The following P4HA2 variants were observed in gnomAD, a reference collection of about 807,000 sequenced individuals.
P4HA2 encodes prolyl 4-hydroxylase subunit alpha-2.
P4HA2 carries 46 observed loss-of-function variants against 76.9 expected under a neutral mutation model. The observed-to-expected ratio is 0.60, with a 90% CI of 0.47 to 0.76. P4HA2 has a LOEUF of 0.76. Among genes scored for constraint, P4HA2 ranks in the 30% least tolerant of loss-of-function variants. The probability of loss-of-function intolerance (pLI) is 0.00; values close to 1 mark genes in which losing one functional copy is unlikely to be tolerated. For missense variants in P4HA2, 583 were observed against 669.4 expected (o/e 0.87, Z 1.42); for synonymous variants, 243 against 254.0 (o/e 0.96, Z 0.41).
Position 132,216,162 on chromosome 5 carries a change from C to CAAAAAAAAAAA in P4HA2, c.331+1024_331+1034dup, listed in dbSNP as rs5871448. Among the ~76,000 whole-genome samples the CAAAAAAAAAAA allele has an allele frequency of 7.9e-5, 5 of 63,138 alleles. 1 individual carries two copies. The highest frequency in any genetic ancestry group is 1.4e-4 in the African/African-American group (2 of 14,632). 41.4% of individuals were successfully genotyped at this position (63,138 alleles called of 152,430 possible). On this transcript the variant is annotated intron_variant, in intron 4 of 14. Coordinates refer to ENST00000360568, the MANE Select transcript of P4HA2 (RefSeq NM_001017974.2). ...CTGGTGACAGAGTGAGACTCAGTCT[C>CAAAAAAAAAAA]AAAAAAAAAAAAAAAAAAAAAAAAA...
intron 1 of P4HA2, chr5:132,222,016 C>G (rs933108940): frequency 6.6e-6 from 1 of 152,254 alleles, no homozygotes; most frequent in African/African-American, 2.4e-5. Context: ...CAGCTGCAAA[C>G]CAGCAGCGTC....
intron 1 of P4HA2, among the ~76,000 whole-genome samples, chr5:132,225,912 C>T (rs968488549): frequency 2.0e-5 from 3 of 152,186 alleles, no homozygotes; most frequent in Non-Finnish European, 2.9e-5. Flanking sequence ...TGGGATGAGG[C>T]CCCCAGCCAA....
At chr5:132,212,170 A>G (rs530495128) in intron 5 of P4HA2, among the ~76,000 whole-genome samples, 4 of 152,272 alleles carry the variant, frequency 2.6e-5, no homozygotes, top group African/African-American at 9.6e-5. Context: ...AGCTGAGTAC[A>G]ATGGGCAAGG....
In P4HA2 at chr5:132,192,679, A is replaced by G. The variant is rs1750023313; in HGVS notation, c.*331T>C. ...AATAGATAGAAATGCCATAAAAACA[A>G]ACATGTAAACAAGGTATCAGAACTT... On this transcript the variant is annotated 3_prime_UTR_variant, in exon 15 of 15. Coordinates refer to ENST00000360568, the MANE Select transcript of P4HA2 (RefSeq NM_001017974.2). The G allele has an allele frequency of 4.2e-6, 1 of 237,038 alleles. No homozygotes were observed. Among genetic ancestry groups the G allele is most frequent in the Non-Finnish European group, 8.2e-6 (1 of 122,604 alleles). 14.7% of individuals were successfully genotyped at this position (237,038 alleles called of 1,614,324 possible).
rs528695494 is a variant in P4HA2, at chr5:132,213,854, C to A, written c.469+62G>T. The A allele has an allele frequency of 1.3e-4, 204 of 1,560,052 alleles. No homozygotes were observed. The African/African-American group carries it at 2.5e-3, about 19-fold the overall frequency. ...AAAGGCCACAAGTTGGTGGTGGCTC[C>A]AACCTGTCCCGCCACTAAAGAGACA... On this transcript the variant is annotated intron_variant, in intron 5 of 14. Transcript: ENST00000360568.
chr5:132,207,108 T>C (rs1005241943), intron 8 of P4HA2, among the ~76,000 whole-genome samples: 2 of 152,198 alleles, frequency 1.3e-5, no homozygotes, highest in Admixed American at 1.3e-4. Context: ...AAATCAATAG[T>C]TTGGCATATA....
chr5:132,202,139 G>A (rs1297957376), intron 10 of P4HA2: 1 of 152,138 alleles, frequency 6.6e-6, no homozygotes, highest in African/African-American at 2.4e-5. Flanking sequence ...GGGAGATGAG[G>A]CAGAAGTCCT....
chr5:132,192,926 A>G lies in P4HA2; in HGVS notation c.*84T>C. On this transcript the variant is annotated 3_prime_UTR_variant, in exon 15 of 15. Coordinates refer to ENST00000360568, the MANE Select transcript of P4HA2 (RefSeq NM_001017974.2). ...TCATTTCTCCAAAAATCAGCCTGAT[A>G]GGAACATACAAAGGAACATACAAAG... The G allele has an allele frequency of 1.1e-6, 1 of 882,040 alleles. No individual in the cohort carries two copies. Among genetic ancestry groups the G allele is most frequent in the Non-Finnish European group, 1.9e-6 (1 of 522,766 alleles). The allele number at this position is 882,040 out of a possible 1,614,324, so 54.6% of individuals were successfully genotyped here. A position where few individuals can be genotyped will look rare whatever the true frequency, so the allele number is the denominator to read the frequency against.
At chr5:132,219,430 C>T (rs1163032046) in intron 1 of P4HA2, among the ~76,000 whole-genome samples, 1 of 152,232 alleles carries the variant, frequency 6.6e-6, no homozygotes, top group Non-Finnish European at 1.5e-5. Flanking sequence ...TCAGGCTGGG[C>T]TGCTGACATG....
chr5:132,191,115 G>A lies in P4HA2; in HGVS notation c.*1895C>T, dbSNP rs1749872945. On this transcript the variant is annotated 3_prime_UTR_variant, in exon 15 of 15. Coordinates refer to ENST00000360568, the MANE Select transcript of P4HA2 (RefSeq NM_001017974.2). ...CTGTGTGTTCGCATGGCAGAAAGAG[G>A]GCTGGGATCTCTTCATAAGGGCACT... 6.6e-6 allele frequency among the ~76,000 whole-genome samples: 1 copy of A among 152,206 alleles called. No individual in the cohort carries two copies.
At position 132,209,327 on chromosome 5, in the gene P4HA2, T is replaced by C. The variant is rs768503731; in HGVS notation, c.714A>G (p.Pro238=). The C allele has an allele frequency of 3.7e-6, 6 of 1,613,326 alleles. No homozygotes were observed. The highest frequency in any genetic ancestry group is 5.1e-6 in the Non-Finnish European group (6 of 1,179,558). ...GATTCCCTCCAGCTCGTTCGTGGCT[T>C]GGGTCTAGAAAATGCAAGGAATGAG... ...ELTRRLLSLD[P]SHERAGGNLR... Residue 238 remains proline, a synonymous_variant, in exon 7 of 15, where the codon CCA becomes CCG. Transcript: ENST00000360568.
intron 6 of P4HA2, 151 bp downstream of exon 6, chr5:132,210,133 A>C (rs1752863436): frequency 4.8e-6 from 4 of 831,282 alleles, no homozygotes; most frequent in Non-Finnish European, 5.8e-6. Flanking sequence ...AAGAAGCTGG[A>C]CTGGTCCTAA....
intron 14 of P4HA2, 57 bp downstream of exon 14, chr5:132,194,869 A>G: frequency 8.2e-7 from 1 of 1,224,366 alleles, no homozygotes; most frequent in Non-Finnish European, 1.2e-6. Context: ...TCTAAGGCCA[A>G]TAAGCAAAGC....
chr5:132,200,412 C>G, intron 10 of P4HA2: 1 of 162,132 alleles, frequency 6.2e-6, no homozygotes, highest in South Asian at 2.0e-4. Context: ...GAAATCCTGT[C>G]AACAGCACAA....
intron 12 of P4HA2, 87 bp downstream of exon 12, chr5:132,198,234 C>T: frequency 1.2e-6 from 2 of 1,614,200 alleles, no homozygotes; most frequent in South Asian, 2.2e-5. Context: ...CACACGATTC[C>T]CCGTCCCTAA....
intron 10 of P4HA2, 38 bp from the exon 11 acceptor site, chr5:132,198,970 T>A: frequency 2.2e-6 from 3 of 1,385,040 alleles, no homozygotes; most frequent in Non-Finnish European, 3.1e-6. Flanking sequence ...GTAAGCAGCA[T>A]GAACAGCTCT....
intron 10 of P4HA2, chr5:132,202,695 T>A (rs1346011329): frequency 6.6e-6 from 1 of 152,216 alleles, no homozygotes; most frequent in Admixed American, 6.5e-5. Context: ...CCCAAGAGGA[T>A]ACTTTAATAA....
chr5:132,208,284 C>G (rs917326283), intron 7 of P4HA2, among the ~76,000 whole-genome samples: 1 of 132,978 alleles, frequency 7.5e-6, no homozygotes, highest in Non-Finnish European at 1.6e-5. Flanking sequence ...CAGGGTGAGA[C>G]GAAAGAAAGA....
intron 12 of P4HA2, 127 bp downstream of exon 12, chr5:132,198,194 C>T (rs1561465731): frequency 1.2e-6 from 2 of 1,614,092 alleles, no homozygotes; most frequent in Non-Finnish European, 1.7e-6. Context: ...CATCAGCACA[C>T]ATCATACTCA....
Sources: gnomAD v4.1 joint callset for allele counts (sites outside exome capture counted in the v4.1 genomes callset) on GRCh38, gnomAD v4.1.1 for gene constraint, MANE v1.5 for transcripts, NCBI Gene and HGNC (gene_info 2026-07-23, HGNC 2026-07-21) for gene names.